LSAMP: variants seen among roughly 807,000 people sequenced by gnomAD.
LSAMP encodes the protein limbic system associated membrane protein.
Under a neutral mutation model 38.6 loss-of-function variants are expected in LSAMP, and 7 were observed. The observed-to-expected ratio is 0.18, with a 90% CI of 0.10 to 0.34. LSAMP has a LOEUF of 0.34. LSAMP is among the 10% of genes least tolerant of loss of function. The pLI is 1.00. For synonymous variants in LSAMP, 154 were observed against 166.8 expected (o/e 0.92, Z 0.59); for missense variants, 313 against 420.0 (o/e 0.75, Z 2.23).
chr3:115,874,707 T>G (rs149066704), intron 3 of LSAMP, among the ~76,000 whole-genome samples: 40 of 152,138 alleles, frequency 2.6e-4, no homozygotes, highest in Non-Finnish European at 7.4e-5. Flanking sequence ...AATGTATGTA[T>G]GTACGTTATT....
chr3:115,849,205 T>C (rs947183823), intron 4 of LSAMP, among the ~76,000 whole-genome samples: 1 of 152,220 alleles, frequency 6.6e-6, no homozygotes, highest in Non-Finnish European at 1.5e-5. Context: ...ATTTTAGCTT[T>C]CCGTAAATTC....
intron 1 of LSAMP, among the ~76,000 whole-genome samples, chr3:116,147,777 A>T (rs893753349): frequency 6.6e-6 from 1 of 151,912 alleles, no homozygotes; most frequent in Non-Finnish European, 1.5e-5. Context: ...GCCAACAGCA[A>T]TTGACCTCAC....
chr3:116,073,432 G>GT (rs959152795), intron 2 of LSAMP, among the ~76,000 whole-genome samples: 22 of 152,208 alleles, frequency 1.4e-4, no homozygotes, highest in African/African-American at 4.3e-4. Flanking sequence ...TTTTAAAATA[G>GT]TTTTTTTCTA....
At chr3:116,202,072 C>T (rs1220548786) in intron 1 of LSAMP, among the ~76,000 whole-genome samples, 1 of 151,966 alleles carries the variant, frequency 6.6e-6, no homozygotes, top group Non-Finnish European at 1.5e-5. Flanking sequence ...CATGACTACC[C>T]TTATCCCACC....
At chr3:116,078,787 C>T (rs1707807806) in intron 2 of LSAMP, among the ~76,000 whole-genome samples, 1 of 152,122 alleles carries the variant, frequency 6.6e-6, no homozygotes, top group East Asian at 1.9e-4. Context: ...TTTTTGAGTA[C>T]ATTCTTACTT....
chr3:116,167,743 C>T (rs1353879157), intron 1 of LSAMP, among the ~76,000 whole-genome samples: 1 of 152,216 alleles, frequency 6.6e-6, no homozygotes, highest in African/African-American at 2.4e-5. Context: ...TTCTCAACAC[C>T]TCTCAGCCCA....
intron 1 of LSAMP, among the ~76,000 whole-genome samples, chr3:116,355,512 A>G (rs1187920093): frequency 6.6e-6 from 1 of 152,216 alleles, no homozygotes; most frequent in African/African-American, 2.4e-5. Flanking sequence ...TAAACTCTCC[A>G]CAACATTGGC....
chr3:116,315,941 A>AG (rs891392815), intron 1 of LSAMP, among the ~76,000 whole-genome samples: 2 of 152,232 alleles, frequency 1.3e-5, no homozygotes, highest in African/African-American at 4.8e-5. Context: ...TGGCATTCAG[A>AG]GGGAAAAAAA....
intron 1 of LSAMP, among the ~76,000 whole-genome samples, chr3:116,405,023 A>G (rs1165700192): frequency 2.0e-5 from 3 of 152,120 alleles, no homozygotes; most frequent in African/African-American, 7.2e-5. Context: ...AAAGAGCCCA[A>G]AATCATTGGA....
chr3:116,069,182 G>C (rs1015287902), intron 2 of LSAMP, among the ~76,000 whole-genome samples: 1 of 152,112 alleles, frequency 6.6e-6, no homozygotes, highest in African/African-American at 2.4e-5. Context: ...TACCTCATCA[G>C]CCTCCTCTTG....
Position 115,810,292 on chromosome 3 carries a change from A to G in LSAMP, c.*25T>C. 6.8e-7 allele frequency: 1 copy of G among 1,480,436 alleles called. No individual in the cohort carries two copies. Among genetic ancestry groups the G allele is most frequent in the Non-Finnish European group, 9.2e-7 (1 of 1,085,260 alleles). The allele number at this position is 1,480,436 out of a possible 1,614,324, so 91.7% of individuals were successfully genotyped here. On this transcript the variant is annotated 3_prime_UTR_variant, in exon 7 of 7. Coordinates refer to ENST00000490035, the MANE Select transcript of LSAMP (RefSeq NM_002338.5). The stretch of plus-strand genomic sequence containing the variant: ...TGTGACGCATTTTTGTGTGTTTTTT[A>G]AATTATTTTTAAATTTTTATTCTAT...
At chr3:116,221,219 A>G (rs891563565) in intron 1 of LSAMP, among the ~76,000 whole-genome samples, 8 of 152,078 alleles carry the variant, frequency 5.3e-5, no homozygotes, top group African/African-American at 1.7e-4. Context: ...TAAAATATAC[A>G]AACTACTTGT....
chr3:116,258,234 C>T (rs1209247519), intron 1 of LSAMP, among the ~76,000 whole-genome samples: 1 of 152,050 alleles, frequency 6.6e-6, no homozygotes, highest in Non-Finnish European at 1.5e-5. Flanking sequence ...AATCCGTCTT[C>T]TCCCAAATTA....
In LSAMP at chr3:116,224,782, A is replaced by T. The variant is rs568069372; in HGVS notation, c.156-138226T>A. Reference sequence around the variant, plus strand: ...TCTTGAGCTTATTCAGCTTGAAGCAACACTTGTGAGGTCATGTTACTCTGT... The same window carrying T: ...TCTTGAGCTTATTCAGCTTGAAGCATCACTTGTGAGGTCATGTTACTCTGT... On this transcript the variant is annotated intron_variant, in intron 1 of 6. Transcript: ENST00000490035. Among the ~76,000 whole-genome samples, 20 of 152,322 alleles carry T rather than the reference A, an allele frequency of 1.3e-4. No homozygotes were observed. In the South Asian group the frequency reaches 4.1e-3, roughly 32 times the overall value.
At chr3:116,292,843 A>G (rs1422093316) in intron 1 of LSAMP, among the ~76,000 whole-genome samples, 1 of 152,202 alleles carries the variant, frequency 6.6e-6, no homozygotes, top group East Asian at 1.9e-4. Context: ...AGTGAACCTA[A>G]GGGCATGTAA....
intron 1 of LSAMP, among the ~76,000 whole-genome samples, chr3:116,248,099 GTA>G (rs918211099): frequency 6.6e-6 from 1 of 152,134 alleles, no homozygotes; most frequent in African/African-American, 2.4e-5. Context: ...AATGTGTTAC[GTA>G]CTAGAGATAC....
At chr3:116,053,081 C>T (rs935397897) in intron 2 of LSAMP, among the ~76,000 whole-genome samples, 1 of 152,182 alleles carries the variant, frequency 6.6e-6, no homozygotes, top group African/African-American at 2.4e-5. Flanking sequence ...AGTAGAAATT[C>T]TTATTTCACA....
At chr3:116,272,248 A>T (rs1299615558) in intron 1 of LSAMP, among the ~76,000 whole-genome samples, 1 of 152,228 alleles carries the variant, frequency 6.6e-6, no homozygotes, top group East Asian at 1.9e-4. Flanking sequence ...ACTTATCCTG[A>T]GTCCTGTTTT....
chr3:116,157,905 A>C lies in LSAMP; in HGVS notation c.156-71349T>G, dbSNP rs139842231. On this transcript the variant is annotated intron_variant, in intron 1 of 6. Transcript: ENST00000490035. ...AAACCTGGCAGAGACACAATAAAAA[A>C]AGAAAACTTCAGGTCAATATTCTTA... 4.3e-4 allele frequency among the ~76,000 whole-genome samples: 66 copies of C among 152,294 alleles called. 1 individual carries two copies. The highest frequency in any genetic ancestry group is 1.5e-3 in the African/African-American group (64 of 41,574).
Sources: allele counts gnomAD v4.1 joint callset (sites outside exome capture counted in the v4.1 genomes callset), GRCh38; gene constraint gnomAD v4.1.1; transcripts MANE v1.5; gene names NCBI Gene and HGNC (gene_info 2026-07-23, HGNC 2026-07-21).